Variants in NRG3 observed in about 807,000 individuals in gnomAD.
NRG3 encodes pro-neuregulin-3, membrane-bound isoform.
NRG3 carries 31 observed loss-of-function variants against 66.9 expected under a neutral mutation model. The observed-to-expected ratio is 0.46, with a 90% CI of 0.35 to 0.63. NRG3 has a LOEUF of 0.63. NRG3 is among the 20% of genes least tolerant of loss of function. The probability of loss-of-function intolerance (pLI) is 0.00; values close to 1 mark genes in which losing one functional copy is unlikely to be tolerated. For synonymous variants in NRG3, 393 were observed against 359.4 expected, an observed-to-expected ratio of 1.09 and a Z score of -1.06; for missense variants, 910 against 878.9, an observed-to-expected ratio of 1.04 and a Z score of -0.45.
At chr10:82,747,980 A>G (rs555073118) in intron 3 of NRG3, among the ~76,000 whole-genome samples, 2 of 151,646 alleles carry the variant, frequency 1.3e-5, no homozygotes, top group Middle Eastern at 3.5e-3. Flanking sequence ...ATATGTTTAA[A>G]AACACATTTA....
At chr10:82,153,445 T>TC (rs1355744370) in intron 1 of NRG3, among the ~76,000 whole-genome samples, 1 of 135,626 alleles carries the variant, frequency 7.4e-6, no homozygotes, top group East Asian at 3.0e-4. Context: ...GTGTGTGTTT[T>TC]CTTTATCCTT....
chr10:82,911,822 A>C (rs905492905), intron 4 of NRG3, among the ~76,000 whole-genome samples: 10 of 151,796 alleles, frequency 6.6e-5, no homozygotes, highest in African/African-American at 2.4e-4. Context: ...TTTAAGGTAG[A>C]AACTTAGATT....
At chr10:81,900,697 G>A (rs1843984450) in intron 1 of NRG3, among the ~76,000 whole-genome samples, 1 of 152,208 alleles carries the variant, frequency 6.6e-6, no homozygotes, top group Admixed American at 6.5e-5. Flanking sequence ...TTATAGGTAT[G>A]ATTTACCCAA....
chr10:82,960,123 G>A lies in NRG3; in HGVS notation c.1284+1048G>A, dbSNP rs1303963098. Among the ~76,000 whole-genome samples the A allele has an allele frequency of 3.3e-5, 5 of 152,142 alleles. No homozygotes were observed. The East Asian group carries it at 5.8e-4, about 18-fold the overall frequency. On this transcript the variant is annotated intron_variant, in intron 6 of 8. Coordinates refer to ENST00000372141, the MANE Select transcript of NRG3 (RefSeq NM_001010848.4). The stretch of plus-strand genomic sequence containing the variant: ...CTAAGAAATCATTACCCAAAAAGTC[G>A]CTATTATGATGTCCATAACAGATGT...
intron 1 of NRG3, among the ~76,000 whole-genome samples, chr10:82,078,671 T>A (rs28571012): frequency 0.027 from 4,158 of 152,328 alleles, 200 homozygotes; most frequent in African/African-American, 0.096. Context: ...AAAGAAGTGA[T>A]GGTCTATTCC....
intron 1 of NRG3, chr10:82,232,735 C>A (rs1213987373): frequency 2.8e-6 from 2 of 716,988 alleles, no homozygotes; most frequent in Non-Finnish European, 5.2e-6. Context: ...GTATTTTCTA[C>A]TCACAGGTCC....
chr10:82,496,412 C>T (rs1203148077), intron 2 of NRG3, among the ~76,000 whole-genome samples: 2 of 152,090 alleles, frequency 1.3e-5, no homozygotes, highest in Non-Finnish European at 2.9e-5. Context: ...TCTTTATGTA[C>T]AGTATCTCTC....
At chr10:81,915,524 G>GC (rs1845620515) in intron 1 of NRG3, among the ~76,000 whole-genome samples, 1 of 107,716 alleles carries the variant, frequency 9.3e-6, no homozygotes, top group Non-Finnish European at 1.7e-5. Flanking sequence ...AAAACACAAG[G>GC]CATCAAATAA....
chr10:82,761,952 C>CTCTCT (rs1565287329), intron 3 of NRG3, among the ~76,000 whole-genome samples: 9 of 123,878 alleles, frequency 7.3e-5, no homozygotes, highest in African/African-American at 2.6e-4. Flanking sequence ...TTCTTTCTTT[C>CTCTCT]TTTCTTTCTT....
chr10:82,852,328 CA>C, intron 3 of NRG3, among the ~76,000 whole-genome samples: 1 of 152,114 alleles, frequency 6.6e-6, no homozygotes, highest in South Asian at 2.1e-4. Context: ...AACAGTAGGA[CA>C]AATACCTAAT....
At chr10:82,482,127 C>T (rs565258816) in intron 2 of NRG3, among the ~76,000 whole-genome samples, 10 of 151,712 alleles carry the variant, frequency 6.6e-5, no homozygotes, top group South Asian at 4.2e-4. Flanking sequence ...AGGGATTATA[C>T]GTGTAGAATT....
At chr10:81,908,610 T>G (rs925668383) in intron 1 of NRG3, among the ~76,000 whole-genome samples, 30 of 152,202 alleles carry the variant, frequency 2.0e-4, no homozygotes, top group African/African-American at 7.2e-4. Flanking sequence ...TTCAAATGAT[T>G]GAACTTTGAT....
Position 82,254,723 on chromosome 10 carries a change from C to T in NRG3, c.824-104016C>T, listed in dbSNP as rs568541994. On this transcript the variant is annotated intron_variant, in intron 1 of 8. Coordinates refer to ENST00000372141, the MANE Select transcript of NRG3 (RefSeq NM_001010848.4). Reference sequence around the variant, plus strand: ...CTGATTGTTAGATATCAAAGGGACACAGGAGCCAACAAAAGTATTTCAAAT... The same window carrying T: ...CTGATTGTTAGATATCAAAGGGACATAGGAGCCAACAAAAGTATTTCAAAT... 2.6e-5 allele frequency among the ~76,000 whole-genome samples: 4 copies of T among 151,468 alleles called. No homozygotes were observed. The East Asian group carries it at 7.8e-4, about 29-fold the overall frequency.
chr10:82,865,667 GA>G lies in NRG3; in HGVS notation c.1054+232del, dbSNP rs1840644486. ...TAAATGCAGTGTCTGGAATCATACA[GA>G]AGTTGTATTTGGCTCCTGGCTTTGA... On this transcript the variant is annotated intron_variant, in intron 4 of 8. Transcript: ENST00000372141. 2.0e-5 allele frequency among the ~76,000 whole-genome samples: 3 copies of G among 152,246 alleles called. No homozygotes were observed. The South Asian group carries it at 6.2e-4, about 32-fold the overall frequency.
chr10:82,382,638 T>C (rs1288158168), intron 2 of NRG3, among the ~76,000 whole-genome samples: 8 of 152,042 alleles, frequency 5.3e-5, no homozygotes, highest in African/African-American at 1.9e-4. Context: ...CATACTATTT[T>C]ATTGATCCAG....
chr10:82,462,154 AATCT>A (rs1342648043), intron 2 of NRG3, among the ~76,000 whole-genome samples: 8 of 151,802 alleles, frequency 5.3e-5, no homozygotes, highest in South Asian at 2.1e-4. Context: ...TAAATAAATA[AATCT>A]ATCTATCTAT....
At chr10:82,975,623 T>C (rs866535130) in intron 7 of NRG3, among the ~76,000 whole-genome samples, 6 of 152,210 alleles carry the variant, frequency 3.9e-5, no homozygotes, top group African/African-American at 1.4e-4. Context: ...ACTTTGTAAA[T>C]TATAGTTTAA....
chr10:82,481,664 T>G (rs1384465897), intron 2 of NRG3, among the ~76,000 whole-genome samples: 2 of 152,194 alleles, frequency 1.3e-5, no homozygotes, highest in Non-Finnish European at 2.9e-5. Flanking sequence ...TTACTGTATG[T>G]AGTTGAAATT....
At chr10:81,930,280 C>T (rs1027530911) in intron 1 of NRG3, among the ~76,000 whole-genome samples, 2 of 152,166 alleles carry the variant, frequency 1.3e-5, no homozygotes, top group African/African-American at 4.8e-5. Flanking sequence ...ATGGTCCTCG[C>T]TTCATACTCA....
Sources: allele counts gnomAD v4.1 joint callset (sites outside exome capture counted in the v4.1 genomes callset), GRCh38; gene constraint gnomAD v4.1.1; transcripts MANE v1.5; gene names NCBI Gene and HGNC (gene_info 2026-07-23, HGNC 2026-07-21).